MAPKAP1: variants seen among roughly 807,000 people sequenced by gnomAD.
The protein encoded by MAPKAP1 is target of rapamycin complex 2 subunit MAPKAP1.
A neutral mutation model predicts 65.7 loss-of-function variants in MAPKAP1; 20 were observed. The observed-to-expected ratio is 0.30, with a 90% confidence interval of 0.21 to 0.44. The LOEUF (loss-of-function observed/expected upper bound fraction) is 0.44, where lower values mean the gene tolerates loss of function less well. Ranked by LOEUF, MAPKAP1 falls within the 20% of genes least tolerant of loss-of-function variation. MAPKAP1 has a pLI of 1.00. For missense variants in MAPKAP1, 423 were observed against 648.0 expected, an observed-to-expected ratio of 0.65 and a Z score of 3.77; for synonymous variants, 222 against 244.3, an observed-to-expected ratio of 0.91 and a Z score of 0.85.
rs549210100 is a variant in MAPKAP1 at position 125,599,389 on chromosome 9, C to T, written c.499-13662G>A. Among the ~76,000 whole-genome samples, 546 of 152,252 alleles carry T rather than the reference C, an allele frequency of 3.6e-3. 6 individuals are homozygous for T. Among genetic ancestry groups the T allele is most frequent in the Non-Finnish European group, 7.1e-3 (481 of 68,006 alleles). ...AGGTGCAATCTCTCTGCAAGTTTTA[C>T]TCATTAGTCTTAGTGCTAACCCTCA... On this transcript the variant is annotated intron_variant, in intron 4 of 11. Coordinates refer to ENST00000265960, the MANE Select transcript of MAPKAP1 (RefSeq NM_001006617.3).
At chr9:125,695,853 C>G (rs954788553) in intron 1 of MAPKAP1, among the ~76,000 whole-genome samples, 1 of 152,092 alleles carries the variant, frequency 6.6e-6, no homozygotes, top group South Asian at 2.1e-4. Context: ...CTCAGCCACC[C>G]GAGTAGCTGG....
intron 7 of MAPKAP1, chr9:125,521,842 G>C (rs1315208473): frequency 7.2e-7 from 1 of 1,395,678 alleles, no homozygotes; most frequent in African/African-American, 1.4e-5. Context: ...TGAAAGTGGT[G>C]ACTCCAACCT....
chr9:125,486,307 T>C lies in MAPKAP1; in HGVS notation c.1067-1724A>G, dbSNP rs151052192. On this transcript the variant is annotated intron_variant, in intron 8 of 11. Coordinates refer to ENST00000265960, the MANE Select transcript of MAPKAP1 (RefSeq NM_001006617.3). ...ACTTTGAAATGTGGACTTCTGCAGA[T>C]GCAGCTGTTGGTGCCATCACCAGTG... Among the ~76,000 whole-genome samples, 1,353 of 152,330 alleles carry C rather than the reference T, an allele frequency of 8.9e-3. 75 individuals are homozygous for C. Among genetic ancestry groups the C allele is most frequent in the Admixed American group, 0.078 (1,194 of 15,292 alleles).
chr9:125,657,900 C>T, intron 3 of MAPKAP1, 101 bp from the exon 4 acceptor site: 1 of 1,132,920 alleles, frequency 8.8e-7, no homozygotes, highest in South Asian at 1.4e-5. Context: ...AAGGAGCATC[C>T]AGAGACATGT....
chr9:125,596,250 C>T (rs965365780), intron 4 of MAPKAP1: 12 of 762,960 alleles, frequency 1.6e-5, no homozygotes, highest in African/African-American at 1.2e-4. Flanking sequence ...CGAAAGAGGT[C>T]GAAGTGGTTC....
intron 3 of MAPKAP1, among the ~76,000 whole-genome samples, chr9:125,669,352 C>T (rs537055886): frequency 2.9e-4 from 44 of 151,696 alleles, no homozygotes; most frequent in Non-Finnish European, 5.1e-4. Context: ...TGGTGGCATG[C>T]GCCTGTAATC....
At chr9:125,485,458 G>A (rs1186424046) in intron 8 of MAPKAP1, among the ~76,000 whole-genome samples, 2 of 152,248 alleles carry the variant, frequency 1.3e-5, no homozygotes, top group African/African-American at 4.8e-5. Context: ...CCTCCTGAAT[G>A]AAGAACACTT....
chr9:125,532,154 T>C (rs1829951713), intron 7 of MAPKAP1, among the ~76,000 whole-genome samples: 1 of 152,212 alleles, frequency 6.6e-6, no homozygotes, highest in African/African-American at 2.4e-5. Context: ...ATCTCACCTG[T>C]ATTACTCATT....
intron 1 of MAPKAP1, among the ~76,000 whole-genome samples, chr9:125,686,830 G>T (rs909552263): frequency 1.2e-4 from 17 of 145,500 alleles, no homozygotes; most frequent in Admixed American, 2.8e-4. Flanking sequence ...TTTTGTTTTG[G>T]TTTTTTTTTT....
chr9:125,451,711 CA>C (rs1346682346), intron 10 of MAPKAP1, among the ~76,000 whole-genome samples: 1 of 152,092 alleles, frequency 6.6e-6, no homozygotes, highest in Non-Finnish European at 1.5e-5. Flanking sequence ...ATCCTGGGAC[CA>C]CAGCCCTCAC....
chr9:125,561,326 TCA>T (rs1158204250), intron 5 of MAPKAP1, among the ~76,000 whole-genome samples: 3 of 152,188 alleles, frequency 2.0e-5, no homozygotes, highest in Admixed American at 2.0e-4. Context: ...CGATCTATAC[TCA>T]GTGAGTCTGT....
intron 7 of MAPKAP1, chr9:125,521,694 C>G (rs1354076527): frequency 1.2e-6 from 2 of 1,603,324 alleles, no homozygotes; most frequent in African/African-American, 1.3e-5. Context: ...TCAAAACCCA[C>G]AGCAGTTCAA....
At chr9:125,651,079 G>C (rs754963675) in intron 4 of MAPKAP1, among the ~76,000 whole-genome samples, 2 of 152,058 alleles carry the variant, frequency 1.3e-5, no homozygotes, top group African/African-American at 4.8e-5. Flanking sequence ...TGATCCTTCC[G>C]CCTCAGCCTC....
intron 10 of MAPKAP1, 71 bp downstream of exon 10, chr9:125,467,901 T>C: frequency 6.6e-7 from 1 of 1,522,360 alleles, no homozygotes; most frequent in Non-Finnish European, 9.0e-7. Context: ...TATATTCTCC[T>C]GGCACCCAGC....
intron 7 of MAPKAP1, among the ~76,000 whole-genome samples, chr9:125,525,748 CA>C (rs1303220081): frequency 1.3e-5 from 2 of 151,298 alleles, no homozygotes; most frequent in African/African-American, 4.9e-5. Context: ...GGGGTGGAAC[CA>C]GGTAGGTCTT....
intron 1 of MAPKAP1, among the ~76,000 whole-genome samples, chr9:125,685,215 T>A (rs1011242987): frequency 6.6e-6 from 1 of 151,930 alleles, no homozygotes; most frequent in African/African-American, 2.4e-5. Flanking sequence ...AGAAGTGCCA[T>A]GAAGAAAAAT....
At chr9:125,639,632 CTAAAG>C (rs1333750764) in intron 4 of MAPKAP1, among the ~76,000 whole-genome samples, 1 of 152,092 alleles carries the variant, frequency 6.6e-6, no homozygotes, top group African/African-American at 2.4e-5. Context: ...AATTTGTACT[CTAAAG>C]AGACGATTGT....
intron 4 of MAPKAP1, among the ~76,000 whole-genome samples, chr9:125,630,861 G>T (rs1465095638): frequency 3.3e-5 from 5 of 152,074 alleles, no homozygotes; most frequent in South Asian, 2.1e-4. Context: ...AAGAGGTTGG[G>T]TTGATCACTT....
intron 4 of MAPKAP1, among the ~76,000 whole-genome samples, chr9:125,601,263 G>A (rs569867622): frequency 8.5e-5 from 13 of 152,206 alleles, no homozygotes; most frequent in East Asian, 1.9e-4. Flanking sequence ...CAAAGATAGC[G>A]AAGTATTTTG....
Sources: gnomAD v4.1 joint callset for allele counts (sites outside exome capture counted in the v4.1 genomes callset) on GRCh38, gnomAD v4.1.1 for gene constraint, MANE v1.5 for transcripts, NCBI Gene and HGNC (gene_info 2026-07-23, HGNC 2026-07-21) for gene names.